The following DPYD variants were observed in gnomAD, a reference collection of about 807,000 sequenced individuals.
The protein encoded by DPYD is dihydropyrimidine dehydrogenase [NADP(+)].
In DPYD, 109 loss-of-function variants were observed where a neutral mutation model predicts 116.2. The ratio of observed to expected loss-of-function variants is 0.94; its 90% CI spans 0.80 to 1.10. The LOEUF is 1.10. DPYD is among the 50% of genes least tolerant of loss of function. DPYD has a pLI of 0.00. For missense variants in DPYD, 1,302 were observed against 1,254.5 expected (o/e 1.04, Z -0.57); for synonymous variants, 440 against 432.0 (o/e 1.02, Z -0.23).
intron 16 of DPYD, among the ~76,000 whole-genome samples, chr1:97,313,497 C>CTGTG (rs58100703): frequency 0.41 from 60,793 of 148,560 alleles, 14,673 homozygotes; most frequent in Admixed American, 0.56. Context: ...ACATGTGTGC[C>CTGTG]TGTGTGTGTG....
intron 8 of DPYD, among the ~76,000 whole-genome samples, chr1:97,678,498 C>T (rs578203945): frequency 1.3e-5 from 2 of 152,274 alleles, no homozygotes; most frequent in Admixed American, 1.3e-4. Context: ...TACTTGTTCT[C>T]TCTGGTCTCT....
At chr1:97,739,408 A>C (rs1664140512) in intron 4 of DPYD, among the ~76,000 whole-genome samples, 1 of 152,112 alleles carries the variant, frequency 6.6e-6, no homozygotes, top group Non-Finnish European at 1.5e-5. Context: ...AAAAATTCAA[A>C]CCAGACTTCA....
intron 1 of DPYD, among the ~76,000 whole-genome samples, chr1:97,916,801 A>G (rs995438590): frequency 4.6e-5 from 7 of 152,190 alleles, no homozygotes; most frequent in Non-Finnish European, 8.8e-5. Flanking sequence ...TGAGCCCAAG[A>G]GTACAAGGCC....
Position 97,763,600 on chromosome 1 carries a change from G to C in DPYD, c.234-23121C>G, listed in dbSNP as rs559797183. Among the ~76,000 whole-genome samples the C allele has an allele frequency of 2.6e-5, 4 of 152,032 alleles. No individual in the cohort carries two copies. The South Asian group carries it at 8.3e-4, about 32-fold the overall frequency. Reference sequence around the variant, plus strand: ...CAACATACTCTTGTTTCCTAGTCTAGTTTGTCATACACAGTAGGAATTCAA... The same window carrying C: ...CAACATACTCTTGTTTCCTAGTCTACTTTGTCATACACAGTAGGAATTCAA... On this transcript the variant is annotated intron_variant, in intron 3 of 22. Transcript: ENST00000370192.
chr1:97,861,949 T>C (rs1010550283), intron 2 of DPYD, among the ~76,000 whole-genome samples: 1 of 151,916 alleles, frequency 6.6e-6, no homozygotes, highest in African/African-American at 2.4e-5. Context: ...GAGAAATGTA[T>C]AAATGTAAAT....
chr1:97,563,700 TA>T (rs1398744362), intron 11 of DPYD, among the ~76,000 whole-genome samples: 4 of 152,148 alleles, frequency 2.6e-5, no homozygotes, highest in African/African-American at 9.7e-5. Context: ...GGAAGTAAAA[TA>T]ATTACAGAAA....
chr1:97,301,576 C>T (rs931252501), intron 18 of DPYD, among the ~76,000 whole-genome samples: 1 of 151,922 alleles, frequency 6.6e-6, no homozygotes, highest in Non-Finnish European at 1.5e-5. Context: ...CAATGAAATT[C>T]ATTCCCCATT....
At chr1:97,699,279 A>G (rs1571210458) in intron 6 of DPYD, 72 bp downstream of exon 6, 2 of 1,465,710 alleles carry the variant, frequency 1.4e-6, no homozygotes, top group East Asian at 2.3e-5. Flanking sequence ...ATGATTATGA[A>G]CCAACAATAT....
intron 16 of DPYD, among the ~76,000 whole-genome samples, chr1:97,345,949 A>C (rs906924944): frequency 1.3e-5 from 2 of 151,952 alleles, no homozygotes; most frequent in Non-Finnish European, 2.9e-5. Context: ...AAATAGGTTT[A>C]AAATTTTGTT....
chr1:97,380,323 A>G (rs1671877972), intron 15 of DPYD, among the ~76,000 whole-genome samples: 1 of 152,190 alleles, frequency 6.6e-6, no homozygotes, highest in South Asian at 2.1e-4. Flanking sequence ...GAAAAGCAAG[A>G]GAGCCTGTGA....
At chr1:97,677,710 G>A (rs2151563) in intron 8 of DPYD, among the ~76,000 whole-genome samples, 134,860 of 152,186 alleles carry the variant, frequency 0.89, 59,838 homozygotes, top group East Asian at 0.98. Flanking sequence ...AGGTTCAGTT[G>A]AGACATTTAG....
At chr1:97,145,744 T>G (rs1364980363) in intron 20 of DPYD, among the ~76,000 whole-genome samples, 7 of 35,338 alleles carry the variant, frequency 2.0e-4, no homozygotes, top group South Asian at 4.7e-3. Flanking sequence ...ATTGTGTGGG[T>G]TTTTTTTTTT....
At chr1:97,869,689 G>T (rs1428347829) in intron 2 of DPYD, among the ~76,000 whole-genome samples, 3 of 151,664 alleles carry the variant, frequency 2.0e-5, no homozygotes, top group African/African-American at 7.3e-5. Context: ...TGCTAAAATA[G>T]CCCTTATCTT....
At chr1:97,420,677 C>A (rs1674533125) in intron 14 of DPYD, among the ~76,000 whole-genome samples, 1 of 152,114 alleles carries the variant, frequency 6.6e-6, no homozygotes, top group Admixed American at 6.5e-5. Flanking sequence ...GCTATTCTCC[C>A]ATCTGTATTC....
intron 19 of DPYD, among the ~76,000 whole-genome samples, chr1:97,199,407 G>A (rs1659049173): frequency 6.6e-6 from 1 of 151,978 alleles, no homozygotes; most frequent in South Asian, 2.1e-4. Context: ...CTTAAAAATG[G>A]AGATTAAATA....
chr1:97,901,703 G>A (rs1193353576), intron 1 of DPYD, among the ~76,000 whole-genome samples: 1 of 151,718 alleles, frequency 6.6e-6, no homozygotes, highest in Non-Finnish European at 1.5e-5. Flanking sequence ...TCTTACAAAT[G>A]ACATATAAGC....
At chr1:97,083,586 T>C (rs917358354) in intron 21 of DPYD, among the ~76,000 whole-genome samples, 4 of 152,136 alleles carry the variant, frequency 2.6e-5, no homozygotes, top group African/African-American at 9.7e-5. Context: ...TATAATGCAT[T>C]GAAGTTATAA....
At chr1:97,222,703 T>C (rs1660856672) in intron 19 of DPYD, among the ~76,000 whole-genome samples, 2 of 152,090 alleles carry the variant, frequency 1.3e-5, no homozygotes, top group South Asian at 2.1e-4. Context: ...TGTGAGAATA[T>C]TGAGTTTCCA....
intron 19 of DPYD, among the ~76,000 whole-genome samples, chr1:97,217,867 G>A (rs543719081): frequency 6.7e-4 from 102 of 152,216 alleles, no homozygotes; most frequent in Non-Finnish European, 1.2e-3. Flanking sequence ...GGAGATACTC[G>A]GAGGACTGAG....
Sources: allele counts gnomAD v4.1 joint callset (sites outside exome capture counted in the v4.1 genomes callset), GRCh38; gene constraint gnomAD v4.1.1; transcripts MANE v1.5; gene names NCBI Gene and HGNC (gene_info 2026-07-23, HGNC 2026-07-21).